Variants in VPS41 observed in about 807,000 individuals in gnomAD.
The protein encoded by VPS41 is VPS41 subunit of HOPS complex, also known as vacuolar protein sorting-associated protein 41 homolog.
A neutral mutation model predicts 130.9 loss-of-function variants in VPS41; 85 were observed. The ratio of observed to expected loss-of-function variants is 0.65; its 90% CI spans 0.55 to 0.78. The LOEUF (loss-of-function observed/expected upper bound fraction) is 0.78. Ranked by LOEUF, VPS41 falls within the 30% of genes least tolerant of loss-of-function variation. The probability of loss-of-function intolerance (pLI) is 0.00; values close to 1 mark genes in which losing one functional copy is unlikely to be tolerated. For missense variants in VPS41, 874 were observed against 1,018.7 expected (o/e 0.86, Z 1.93); for synonymous variants, 335 against 332.9 (o/e 1.01, Z -0.07).
intron 7 of VPS41, 58 bp from the exon 8 acceptor site, chr7:38,796,922 C>A: frequency 6.2e-7 from 1 of 1,602,764 alleles, no homozygotes; most frequent in Non-Finnish European, 8.5e-7. Flanking sequence ...GTATCAGGTT[C>A]TTTACTTACT....
At chr7:38,793,364 T>C (rs1784567952) in intron 9 of VPS41, among the ~76,000 whole-genome samples, 1 of 152,176 alleles carries the variant, frequency 6.6e-6, no homozygotes, top group Non-Finnish European at 1.5e-5. Context: ...CCCAACAAGA[T>C]TGCTGTCCCT....
At chr7:38,885,100 G>A (rs1786694130) in intron 2 of VPS41, among the ~76,000 whole-genome samples, 1 of 152,066 alleles carries the variant, frequency 6.6e-6, no homozygotes, top group Admixed American at 6.5e-5. Context: ...TTGAGACGGA[G>A]TCTCACTCTG....
intron 16 of VPS41, among the ~76,000 whole-genome samples, chr7:38,765,027 T>C (rs750580143): frequency 3.9e-5 from 6 of 152,136 alleles, no homozygotes; most frequent in Non-Finnish European, 7.3e-5. Context: ...TATTTATAAC[T>C]TGAAGAGAGC....
intron 9 of VPS41, among the ~76,000 whole-genome samples, chr7:38,794,261 C>T (rs560652235): frequency 1.3e-5 from 2 of 152,202 alleles, no homozygotes; most frequent in Non-Finnish European, 2.9e-5. Context: ...TTTTTCCATC[C>T]TACGATATAG....
intron 7 of VPS41, among the ~76,000 whole-genome samples, chr7:38,814,660 A>G (rs1009278774): frequency 2.6e-5 from 4 of 152,102 alleles, no homozygotes; most frequent in Non-Finnish European, 5.9e-5. Flanking sequence ...AAAAAAAACA[A>G]AAACAAAAAC....
chr7:38,809,495 T>C (rs1189181890), intron 7 of VPS41, among the ~76,000 whole-genome samples: 1 of 151,918 alleles, frequency 6.6e-6, no homozygotes, highest in African/African-American at 2.4e-5. Flanking sequence ...TTTACAGTTT[T>C]ATAAAAAGCT....
intron 17 of VPS41, 27 bp from the exon 18 acceptor site, chr7:38,758,508 G>A (rs758541726): frequency 1.6e-5 from 26 of 1,597,164 alleles, no homozygotes; most frequent in Non-Finnish European, 2.1e-5. Flanking sequence ...AACAGAAAAA[G>A]AACACTCATT....
At chr7:38,905,342 T>C (rs1418757912) in intron 1 of VPS41, among the ~76,000 whole-genome samples, 1 of 152,112 alleles carries the variant, frequency 6.6e-6, no homozygotes, top group Non-Finnish European at 1.5e-5. Flanking sequence ...CTATAAATCG[T>C]TTTGGAGCTA....
At chr7:38,742,762 TA>T (rs371618498) in intron 24 of VPS41, among the ~76,000 whole-genome samples, 105 of 144,614 alleles carry the variant, frequency 7.3e-4, no homozygotes, top group East Asian at 1.0e-3. Context: ...CTACCAAACT[TA>T]AAAAAAAAAA....
chr7:38,872,955 G>A (rs552104504), intron 2 of VPS41, among the ~76,000 whole-genome samples: 1 of 152,246 alleles, frequency 6.6e-6, no homozygotes, highest in East Asian at 1.9e-4. Context: ...GCTCAAGTCT[G>A]GACATCAAAT....
rs187420949 is a variant in VPS41, at chr7:38,897,887, G to A, written c.60+204C>T. On this transcript the variant is annotated intron_variant, in intron 2 of 28. Coordinates refer to ENST00000310301, the MANE Select transcript of VPS41 (RefSeq NM_014396.4). ...ATATTGTTTCAGATGAAAACTTTTT[G>A]TTCCTTTTCTTATTTTTTAAGCTAA... is the stretch of plus-strand genomic sequence containing the variant. Among the ~76,000 whole-genome samples the A allele has an allele frequency of 6.6e-4, 101 of 152,174 alleles. No homozygotes were observed. In the South Asian group the frequency reaches 9.1e-3, roughly 14 times the overall value.
chr7:38,767,716 G>T, intron 14 of VPS41, 118 bp from the exon 15 acceptor site: 1 of 530,260 alleles, frequency 1.9e-6, no homozygotes. Flanking sequence ...ACTATAACCT[G>T]TTTATACTCT....
intron 25 of VPS41, among the ~76,000 whole-genome samples, chr7:38,740,613 T>C (rs1310319245): frequency 1.3e-5 from 2 of 152,176 alleles, no homozygotes; most frequent in African/African-American, 4.8e-5. Flanking sequence ...GAACAGGTAA[T>C]CTACTTCTTT....
In VPS41 at chr7:38,853,349, G is replaced by A. The variant is rs183956438; in HGVS notation, c.246+9196C>T. Reference sequence around the variant, plus strand: ...CAGGAGAACGGCATCAACCTGGGAGGCGGAGCTTGCAGTGAGCTGAGATTG... The same window carrying A: ...CAGGAGAACGGCATCAACCTGGGAGACGGAGCTTGCAGTGAGCTGAGATTG... On this transcript the variant is annotated intron_variant, in intron 4 of 28. Transcript: ENST00000310301. Among the ~76,000 whole-genome samples, 84 of 151,228 alleles carry A rather than the reference G, an allele frequency of 5.6e-4. 1 individual carries two copies. The East Asian group carries it at 6.6e-3, about 12-fold the overall frequency.
intron 7 of VPS41, among the ~76,000 whole-genome samples, chr7:38,817,016 A>G (rs1785064565): frequency 2.6e-5 from 4 of 152,212 alleles, no homozygotes. Context: ...TGTTGGAATC[A>G]TAGGAGTGAG....
At chr7:38,899,998 A>G (rs1787107822) in intron 1 of VPS41, among the ~76,000 whole-genome samples, 1 of 152,178 alleles carries the variant, frequency 6.6e-6, no homozygotes, top group East Asian at 1.9e-4. Flanking sequence ...CCGTAATCCC[A>G]GCATTTTGGG....
chr7:38,756,334 A>G (rs1783793877), intron 19 of VPS41, among the ~76,000 whole-genome samples: 1 of 151,930 alleles, frequency 6.6e-6, no homozygotes, highest in African/African-American at 2.4e-5. Context: ...AGGTTATTCA[A>G]ATTTGTCACA....
chr7:38,828,204 A>G (rs1294900690), intron 5 of VPS41, among the ~76,000 whole-genome samples: 1 of 152,114 alleles, frequency 6.6e-6, no homozygotes, highest in Non-Finnish European at 1.5e-5. Flanking sequence ...TTATCCTAAA[A>G]GTTTTCTAGA....
chr7:38,728,448 A>G (rs1795591239), intron 27 of VPS41, 94 bp downstream of exon 27: 3 of 1,321,666 alleles, frequency 2.3e-6, no homozygotes, highest in African/African-American at 2.9e-5. Context: ...AAAGTTATAT[A>G]GTTTTATAAA....
Sources: gnomAD v4.1 joint callset for allele counts (sites outside exome capture counted in the v4.1 genomes callset) on GRCh38, gnomAD v4.1.1 for gene constraint, MANE v1.5 for transcripts, NCBI Gene and HGNC (gene_info 2026-07-23, HGNC 2026-07-21) for gene names.